The following NUDT9 variants were observed in gnomAD, a reference collection of about 807,000 sequenced individuals.
The protein encoded by NUDT9 is ADP-ribose pyrophosphatase.
In NUDT9, 31 loss-of-function variants were observed where a neutral mutation model predicts 41.0. That is an observed-to-expected ratio of 0.76 (90% CI 0.57 to 1.02). The LOEUF (loss-of-function observed/expected upper bound fraction) is 1.02, where lower values mean the gene tolerates loss of function less well. Among genes scored for constraint, NUDT9 ranks in the 50% least tolerant of loss-of-function variants. The probability of loss-of-function intolerance (pLI) is 0.00; values close to 1 mark genes in which losing one functional copy is unlikely to be tolerated. For synonymous variants in NUDT9, 146 were observed against 147.6 expected (o/e 0.99, Z 0.08); for missense variants, 380 against 431.4 (o/e 0.88, Z 1.06).
chr4:87,451,520 A>G, intron 5 of NUDT9, 69 bp from the exon 6 acceptor site: 1 of 1,229,662 alleles, frequency 8.1e-7, no homozygotes, highest in Non-Finnish European at 1.2e-6. Context: ...TCACTCTACT[A>G]CTCAATAAAT....
chr4:87,441,792 A>G, intron 3 of NUDT9, 37 bp from the exon 4 acceptor site: 1 of 1,500,750 alleles, frequency 6.7e-7, no homozygotes, highest in Non-Finnish European at 9.2e-7. Context: ...AAAGATGAAC[A>G]CATTCAATTG....
intron 7 of NUDT9, among the ~76,000 whole-genome samples, chr4:87,457,279 A>G (rs566476527): frequency 7.7e-6 from 1 of 130,578 alleles, no homozygotes; most frequent in South Asian, 2.3e-4. Flanking sequence ...CCCTGTTGCC[A>G]GGCTGGAGTG....
intron 5 of NUDT9, 96 bp downstream of exon 5, chr4:87,449,349 C>G: frequency 2.9e-6 from 2 of 698,094 alleles, no homozygotes; most frequent in South Asian, 3.2e-5. Context: ...CCATTTTCCT[C>G]TATTCCTTCC....
At chr4:87,441,346 AATACCTT>A (rs763731843) in intron 3 of NUDT9, among the ~76,000 whole-genome samples, 35 of 152,216 alleles carry the variant, frequency 2.3e-4, no homozygotes, top group Non-Finnish European at 4.7e-4. Context: ...TAGTAATACT[AATACCTT>A]ATCATATGCT....
chr4:87,442,637 A>C (rs994922192), intron 4 of NUDT9, among the ~76,000 whole-genome samples: 1 of 152,232 alleles, frequency 6.6e-6, no homozygotes, highest in South Asian at 2.1e-4. Flanking sequence ...CTGTACAAAA[A>C]TAGTTTCTTT....
chr4:87,426,981 G>T (rs1173017796), intron 1 of NUDT9, among the ~76,000 whole-genome samples: 6 of 150,508 alleles, frequency 4.0e-5, no homozygotes, highest in Non-Finnish European at 8.9e-5. Context: ...AAAGCCAGGT[G>T]TGGTAGCATA....
chr4:87,457,236 A>T (rs1021241659), intron 7 of NUDT9, among the ~76,000 whole-genome samples: 4 of 126,658 alleles, frequency 3.2e-5, no homozygotes, highest in East Asian at 4.5e-4. Context: ...GATAATTTAA[A>T]TTTTTTTTTT....
rs535497840 is a variant in NUDT9, at chr4:87,437,507, AT to A, written c.348-764del. On this transcript the variant is annotated intron_variant, in intron 2 of 7. Coordinates refer to ENST00000302174, the MANE Select transcript of NUDT9 (RefSeq NM_024047.5). Reference sequence around the variant, plus strand: ...AGGTGCCCACCACCATGCCCAGCTAATTTTTTGTATTTTTTTAGTAGAGATG... The same window carrying A: ...AGGTGCCCACCACCATGCCCAGCTAATTTTTGTATTTTTTTAGTAGAGATG... Among the ~76,000 whole-genome samples the A allele has an allele frequency of 1.3e-4, 19 of 150,456 alleles. 1 individual carries two copies. Among genetic ancestry groups the A allele is most frequent in the Admixed American group, 1.2e-3 (18 of 15,182 alleles).
chr4:87,450,638 A>C (rs1722671440), intron 5 of NUDT9, among the ~76,000 whole-genome samples: 1 of 152,060 alleles, frequency 6.6e-6, no homozygotes, highest in Non-Finnish European at 1.5e-5. Flanking sequence ...TGACCTCCCA[A>C]AGTGCTGGGA....
chr4:87,426,802 G>A (rs1471810124), intron 1 of NUDT9, among the ~76,000 whole-genome samples: 1 of 151,710 alleles, frequency 6.6e-6, no homozygotes, highest in East Asian at 1.9e-4. Context: ...TTGGAAGTCC[G>A]AGGCAGGAAG....
chr4:87,440,374 T>C (rs1722150121), intron 3 of NUDT9, among the ~76,000 whole-genome samples: 1 of 152,250 alleles, frequency 6.6e-6, no homozygotes, highest in South Asian at 2.1e-4. Flanking sequence ...TCTATATTTT[T>C]GGCTTATTAC....
intron 1 of NUDT9, among the ~76,000 whole-genome samples, chr4:87,434,694 G>A (rs934586314): frequency 2.0e-5 from 3 of 151,024 alleles, no homozygotes; most frequent in Non-Finnish European, 4.4e-5. Context: ...GTGCAATGGC[G>A]CGATGTCTCA....
intron 1 of NUDT9, among the ~76,000 whole-genome samples, chr4:87,428,731 T>C (rs1160426978): frequency 1.3e-5 from 2 of 152,032 alleles, no homozygotes; most frequent in Non-Finnish European, 2.9e-5. Flanking sequence ...CTTTAAAAAA[T>C]AGTCATTTTT....
chr4:87,453,319 A>G (rs1722837608), intron 6 of NUDT9, among the ~76,000 whole-genome samples: 1 of 152,220 alleles, frequency 6.6e-6, no homozygotes. Flanking sequence ...TGTATTTCAG[A>G]AACTATAATC....
At chr4:87,434,718 C>T (rs1291964130) in intron 1 of NUDT9, among the ~76,000 whole-genome samples, 3 of 151,860 alleles carry the variant, frequency 2.0e-5, no homozygotes, top group African/African-American at 7.3e-5. Flanking sequence ...CAACCTCTGC[C>T]TTCTGGGTTC....
At chr4:87,450,803 G>T (rs540349837) in intron 5 of NUDT9, among the ~76,000 whole-genome samples, 1 of 152,244 alleles carries the variant, frequency 6.6e-6, no homozygotes, top group South Asian at 2.1e-4. Flanking sequence ...TCAGGAAACT[G>T]CTGTCATTGT....
chr4:87,438,740 G>A (rs1406579853), intron 3 of NUDT9, among the ~76,000 whole-genome samples: 2 of 152,114 alleles, frequency 1.3e-5, no homozygotes, highest in Non-Finnish European at 2.9e-5. Flanking sequence ...ACATGTAAGA[G>A]TAAAAATAAA....
chr4:87,429,580 C>T (rs1721588372), intron 1 of NUDT9, among the ~76,000 whole-genome samples: 1 of 151,588 alleles, frequency 6.6e-6, no homozygotes, highest in Non-Finnish European at 1.5e-5. Flanking sequence ...TTCCTTGTTT[C>T]CTTTTCCTTC....
At chr4:87,448,775 T>C (rs1722583349) in intron 4 of NUDT9, among the ~76,000 whole-genome samples, 3 of 152,220 alleles carry the variant, frequency 2.0e-5, no homozygotes, top group Non-Finnish European at 2.9e-5. Flanking sequence ...CAACTACCAG[T>C]AATTTTTAAA....
Sources: allele counts gnomAD v4.1 joint callset (sites outside exome capture counted in the v4.1 genomes callset), GRCh38; gene constraint gnomAD v4.1.1; transcripts MANE v1.5; gene names NCBI Gene and HGNC (gene_info 2026-07-23, HGNC 2026-07-21).